The following KIF3C variants were observed in gnomAD, a reference collection of about 807,000 sequenced individuals.
KIF3C encodes the protein kinesin family member 3C.
Under a neutral mutation model 67.7 loss-of-function variants are expected in KIF3C, and 12 were observed. That is an observed-to-expected ratio of 0.18 (90% CI 0.11 to 0.29). The LOEUF is 0.29. Among genes scored for constraint, KIF3C ranks in the 10% least tolerant of loss-of-function variants. The pLI, the probability that KIF3C is intolerant of heterozygous loss-of-function variation, is 1.00. For synonymous variants in KIF3C, 393 were observed against 426.2 expected, an observed-to-expected ratio of 0.92 and a Z score of 0.96; for missense variants, 789 against 1,059.6, an observed-to-expected ratio of 0.74 and a Z score of 3.55.
rs1391357372 is a variant in KIF3C at position 25,955,347 on chromosome 2, G to A, written c.1770+194C>T. Among the ~76,000 whole-genome samples the A allele has an allele frequency of 1.3e-5, 2 of 152,060 alleles. No individual in the cohort carries two copies. The highest frequency in any genetic ancestry group is 2.9e-5 in the Non-Finnish European group (2 of 68,012). ...GCCTGTCATAGCCCACCCTGGCCCA[G>A]GAGAAAAGGCTCTACTCCACCCCCA... On this transcript the variant is annotated intron_variant, in intron 3 of 7. Transcript: ENST00000264712. This position sits in a 1 kb window ranked among gnomAD's most constrained non-coding sequence, Gnocchi z 5.0.
chr2:25,974,139 G>A (rs1187900427), intron 1 of KIF3C, among the ~76,000 whole-genome samples: 1 of 151,242 alleles, frequency 6.6e-6, no homozygotes, highest in Admixed American at 6.6e-5. Context: ...GTGTGATCTC[G>A]GCTCACTGCA....
Position 25,977,091 on chromosome 2 carries a change from G to C in KIF3C, c.1545+3282C>G, listed in dbSNP as rs138695576. On this transcript the variant is annotated intron_variant, in intron 1 of 7. Transcript: ENST00000264712. ...ATTGCTAATGATTACTGATAAACAGGACACTGATCACAATCACAAACTCTC... is the reference window on the plus strand; with the variant it reads ...ATTGCTAATGATTACTGATAAACAGCACACTGATCACAATCACAAACTCTC... Among the ~76,000 whole-genome samples, 633 of 152,116 alleles carry C rather than the reference G, an allele frequency of 4.2e-3. 3 individuals carry two copies. The Middle Eastern group carries it at 0.044, about 11-fold the overall frequency.
chr2:25,972,297 CA>C (rs1308826141), intron 1 of KIF3C, among the ~76,000 whole-genome samples: 1 of 152,120 alleles, frequency 6.6e-6, no homozygotes, highest in Admixed American at 6.5e-5. Context: ...AACACTGGAC[CA>C]AAAGGCCTGC....
At chr2:25,977,682 G>C (rs1314031944) in intron 1 of KIF3C, among the ~76,000 whole-genome samples, 4 of 152,182 alleles carry the variant, frequency 2.6e-5, no homozygotes, top group African/African-American at 9.7e-5. Flanking sequence ...ATGCCCTCGT[G>C]CTAATGATCT....
At chr2:25,979,653 T>C (rs1038344846) in intron 1 of KIF3C, among the ~76,000 whole-genome samples, 29 of 152,266 alleles carry the variant, frequency 1.9e-4, no homozygotes, top group South Asian at 1.0e-3. Flanking sequence ...TTCCTAATGA[T>C]AGCAAGCAAT....
intron 1 of KIF3C, among the ~76,000 whole-genome samples, chr2:25,965,914 G>A (rs909784777): frequency 6.6e-6 from 1 of 152,042 alleles, no homozygotes; most frequent in African/African-American, 2.4e-5. Flanking sequence ...CACAGGCTGT[G>A]GGGGTGGAAA....
At chr2:25,934,142 A>C (rs1350233368) in intron 5 of KIF3C, 1 of 471,114 alleles carries the variant, frequency 2.1e-6, no homozygotes, top group South Asian at 1.5e-5. Flanking sequence ...GTGTGATTCC[A>C]TTTACATAAA....
In KIF3C at chr2:25,958,352, G is replaced by A. The variant is rs1345996121; in HGVS notation, c.1546-1908C>T. On this transcript the variant is annotated intron_variant, in intron 1 of 7. Transcript: ENST00000264712. This position sits in a 1 kb window ranked among gnomAD's most constrained non-coding sequence, Gnocchi z 4.5. The stretch of plus-strand genomic sequence containing the variant: ...TCCCAGCACTTTGGGAAGTTGAGGT[G>A]GGCGGATCATCTGAGGTCAGGAGTT... Among the ~76,000 whole-genome samples, 3 of 152,114 alleles carry A rather than the reference G, an allele frequency of 2.0e-5. No homozygotes were observed. In the East Asian group the frequency reaches 5.8e-4, roughly 29 times the overall value.
In KIF3C at chr2:25,982,268, G is replaced by A. The variant is rs1312410312; in HGVS notation, c.-351C>T. ...TCGGCAACAATGAGATAAAGGAAGA[G>A]GAAAATGGGATGGGGGTGGGCGGCG... On this transcript the variant is annotated 5_prime_UTR_variant, in exon 1 of 8. Coordinates refer to ENST00000264712, the MANE Select transcript of KIF3C (RefSeq NM_002254.8). The A allele has an allele frequency of 2.5e-6, 1 of 405,890 alleles. No individual in the cohort carries two copies. The highest frequency in any genetic ancestry group is 4.3e-6 in the Non-Finnish European group (1 of 230,672). The allele number at this position is 405,890 out of a possible 1,614,324, so 25.1% of individuals were successfully genotyped here. A position where few individuals can be genotyped will look rare whatever the true frequency, so the allele number is the denominator to read the frequency against.
chr2:25,935,495 T>C (rs1663072421), intron 5 of KIF3C, among the ~76,000 whole-genome samples: 2 of 151,826 alleles, frequency 1.3e-5, no homozygotes, highest in Admixed American at 1.3e-4. Context: ...GCCTCCTGAG[T>C]AGATAGGTCT....
rs755674123 is a variant in KIF3C, at chr2:25,926,826, T to C, written c.*2152A>G. The C allele has an allele frequency of 3.3e-5, 5 of 152,182 alleles. No individual in the cohort carries two copies. Among genetic ancestry groups the C allele is most frequent in the African/African-American group, 9.6e-5 (4 of 41,452 alleles). The allele number at this position is 152,182 out of a possible 1,614,324, so 9.4% of individuals were successfully genotyped here. ...CAAGAATGGGCCACTGCATTGTTAA[T>C]TGTTGTCCTAAATAAAGACCATAGC... On this transcript the variant is annotated 3_prime_UTR_variant, in exon 8 of 8. Coordinates refer to ENST00000264712, the MANE Select transcript of KIF3C (RefSeq NM_002254.8).
In KIF3C at chr2:25,981,285, C is replaced by T. The variant is rs780001309; in HGVS notation, c.633G>A (p.Glu211=). 2.5e-6 allele frequency: 4 copies of T among 1,613,948 alleles called. No homozygotes were observed. Among genetic ancestry groups the T allele is most frequent in the Middle Eastern group, 1.6e-4 (1 of 6,062 alleles). The change falls in exon 1 of 8, where the codon GAG becomes GAA. Residue 211 remains glutamate, a synonymous_variant. Transcript: ENST00000264712. The surrounding 1 kb of genome is among the most constrained non-coding windows in gnomAD (Gnocchi z 8.2). ...TRAVGSTHMN[E]VSSRSHAIFI... ...AGATGGCATGGGAGCGGGAGCTGAC[C>T]TCATTCATGTGGGTGCTGCCCACAG...
chr2:25,929,832 T>C, intron 6 of KIF3C, 123 bp downstream of exon 6: 2 of 698,884 alleles, frequency 2.9e-6, no homozygotes, highest in South Asian at 1.7e-5. Context: ...ACCAGGCTGG[T>C]CTCGAACTCC....
rs958202753 is a variant in KIF3C, at chr2:25,942,576, A to G, written c.2006+9213T>C. ...CAGGCATATGCCACCACACCTGGCT[A>G]ATTTTGTATTTTTAGTAGAGACGGG... On this transcript the variant is annotated intron_variant, in intron 5 of 7. Transcript: ENST00000264712. 3.3e-5 allele frequency among the ~76,000 whole-genome samples: 5 copies of G among 151,844 alleles called. No homozygotes were observed. The South Asian group carries it at 1.0e-3, about 32-fold the overall frequency.
intron 1 of KIF3C, among the ~76,000 whole-genome samples, chr2:25,975,714 T>C (rs1664394972): frequency 6.6e-6 from 1 of 152,074 alleles, no homozygotes; most frequent in African/African-American, 2.4e-5. Flanking sequence ...ATCCCAGCAC[T>C]TTGGGAGGCT....
intron 1 of KIF3C, among the ~76,000 whole-genome samples, chr2:25,979,475 G>A (rs1402963399): frequency 6.6e-6 from 1 of 152,128 alleles, no homozygotes; most frequent in Non-Finnish European, 1.5e-5. Flanking sequence ...AGATCACCCA[G>A]GCCAACCCTC....
chr2:25,928,561 A>G lies in KIF3C; in HGVS notation c.*417T>C, dbSNP rs1430346885. The G allele has an allele frequency of 1.3e-5, 2 of 157,890 alleles. No homozygotes were observed. Among genetic ancestry groups the G allele is most frequent in the Admixed American group, 6.2e-5 (1 of 16,210 alleles). 9.8% of individuals were successfully genotyped at this position (157,890 alleles called of 1,614,324 possible). ...AGAAAGTGCTCAGGGGCTGCTCGCC[A>G]TCAGTGTGGGAGAAGATGGAGGTTA... On this transcript the variant is annotated 3_prime_UTR_variant, in exon 8 of 8. Coordinates refer to ENST00000264712, the MANE Select transcript of KIF3C (RefSeq NM_002254.8).
At position 25,955,085 on chromosome 2, in the gene KIF3C, G is replaced by T. The variant is rs1037520198; in HGVS notation, c.1770+456C>A. Among the ~76,000 whole-genome samples the T allele has an allele frequency of 6.6e-6, 1 of 152,106 alleles. No homozygotes were observed. Among genetic ancestry groups the T allele is most frequent in the African/African-American group, 2.4e-5 (1 of 41,406 alleles). The stretch of plus-strand genomic sequence containing the variant: ...CATGTACATGTCTTTCCCTTGCCAC[G>T]GGCTTTGCAGGGTTCTGGTGAGCGG... On this transcript the variant is annotated intron_variant, in intron 3 of 7. Coordinates refer to ENST00000264712, the MANE Select transcript of KIF3C (RefSeq NM_002254.8). The surrounding 1 kb of genome is among the most constrained non-coding windows in gnomAD (Gnocchi z 5.0).
chr2:25,952,563 A>T (rs200120103), intron 4 of KIF3C, among the ~76,000 whole-genome samples: 22,234 of 103,442 alleles, frequency 0.21, 3,780 homozygotes, highest in East Asian at 0.84. Context: ...ATATATATAT[A>T]TTTTTTTTTT....
Sources: allele counts gnomAD v4.1 joint callset (sites outside exome capture counted in the v4.1 genomes callset), GRCh38; gene constraint gnomAD v4.1.1; non-coding constraint Gnocchi (gnomAD v3.1); transcripts MANE v1.5; gene names NCBI Gene and HGNC (gene_info 2026-07-23, HGNC 2026-07-21).